CHMP4C: variants seen among roughly 807,000 people sequenced by gnomAD.
The protein encoded by CHMP4C is SNF7 homolog associated with Alix 3.
A neutral mutation model predicts 29.0 loss-of-function variants in CHMP4C; 28 were observed. The observed-to-expected ratio is 0.97, with a 90% CI of 0.72 to 1.32. The LOEUF is 1.32. CHMP4C is among the 40% of genes most tolerant of loss of function. CHMP4C has a pLI of 0.00. For missense variants in CHMP4C, 291 were observed against 281.0 expected, an observed-to-expected ratio of 1.04 and a Z score of -0.25; for synonymous variants, 106 against 102.4, an observed-to-expected ratio of 1.04 and a Z score of -0.21.
intron 1 of CHMP4C, 69 bp from the exon 2 acceptor site, chr8:81,752,995 C>T: frequency 5.9e-6 from 8 of 1,366,036 alleles, no homozygotes; most frequent in South Asian, 1.5e-5. Context: ...CATAGTGGTG[C>T]TGAGCAAACA....
chr8:81,733,474 C>T (rs1490123964), intron 1 of CHMP4C, among the ~76,000 whole-genome samples: 1 of 151,894 alleles, frequency 6.6e-6, no homozygotes, highest in Non-Finnish European at 1.5e-5. Context: ...TGTGGTCTAC[C>T]TTGCTCCTCA....
intron 1 of CHMP4C, among the ~76,000 whole-genome samples, chr8:81,742,419 A>T (rs1338439497): frequency 6.6e-6 from 1 of 152,236 alleles, no homozygotes; most frequent in Admixed American, 6.5e-5. Flanking sequence ...TTAAAATTCA[A>T]TGTCAGCTAT....
At chr8:81,752,604 A>G (rs1425488677) in intron 1 of CHMP4C, among the ~76,000 whole-genome samples, 1 of 152,128 alleles carries the variant, frequency 6.6e-6, no homozygotes, top group Non-Finnish European at 1.5e-5. Context: ...AGCTACCACT[A>G]ACTGTCTGCC....
chr8:81,733,297 T>A (rs1020992910), intron 1 of CHMP4C, among the ~76,000 whole-genome samples: 1 of 152,238 alleles, frequency 6.6e-6, no homozygotes, highest in Non-Finnish European at 1.5e-5. Context: ...TTGTCTTGAT[T>A]ACTGAGTGTT....
chr8:81,751,162 A>G (rs1808898499), intron 1 of CHMP4C, among the ~76,000 whole-genome samples: 1 of 152,186 alleles, frequency 6.6e-6, no homozygotes. Flanking sequence ...ATATCAATGC[A>G]CCTTTTCTGG....
chr8:81,756,322 A>G (rs942355938), intron 3 of CHMP4C, among the ~76,000 whole-genome samples: 10 of 152,198 alleles, frequency 6.6e-5, no homozygotes, highest in Non-Finnish European at 1.2e-4. Flanking sequence ...GTAGAAAACA[A>G]TAACAACAAA....
intron 1 of CHMP4C, among the ~76,000 whole-genome samples, chr8:81,733,792 G>A (rs1440165284): frequency 1.3e-5 from 2 of 152,192 alleles, no homozygotes; most frequent in African/African-American, 4.8e-5. Context: ...ACCCAGAAAA[G>A]GAAGTGGCAA....
In CHMP4C at chr8:81,753,111, A is replaced by C; in HGVS notation, c.238A>C (p.Thr80Pro). The C allele has an allele frequency of 3.1e-6, 5 of 1,612,742 alleles. No homozygotes were observed. The highest frequency in any genetic ancestry group is 4.2e-6 in the Non-Finnish European group (5 of 1,179,194). ...KRKKRFEKQLTQIDGTLSTIE... is the reference protein window; with the variant it reads ...KRKKRFEKQLPQIDGTLSTIE... Reference sequence around the variant, plus strand: ...AAAGAAGAGGTTCGAGAAACAGCTCACTCAGATTGATGGCACACTTTCTAC... The same window carrying C: ...AAAGAAGAGGTTCGAGAAACAGCTCCCTCAGATTGATGGCACACTTTCTAC... Residue 80 changes from threonine to proline, a missense_variant, in exon 2 of 5, where the codon ACT becomes CCT. Physicochemically the swap from Thr to Pro is conservative, Grantham distance 38. Coordinates refer to ENST00000297265, the MANE Select transcript of CHMP4C (RefSeq NM_152284.4).
chr8:81,754,025 G>A (rs1290359980), intron 2 of CHMP4C, among the ~76,000 whole-genome samples: 1 of 152,194 alleles, frequency 6.6e-6, no homozygotes, highest in East Asian at 1.9e-4. Flanking sequence ...TGGAACCTGG[G>A]GCAAGGATGC....
At chr8:81,741,572 T>TA (rs1808762653) in intron 1 of CHMP4C, among the ~76,000 whole-genome samples, 1 of 151,750 alleles carries the variant, frequency 6.6e-6, no homozygotes, top group African/African-American at 2.4e-5. Flanking sequence ...AATACTCAGT[T>TA]AAAAAAATTA....
intron 2 of CHMP4C, among the ~76,000 whole-genome samples, chr8:81,755,162 G>T (rs944028700): frequency 1.3e-5 from 2 of 151,832 alleles, no homozygotes; most frequent in African/African-American, 2.4e-5. Flanking sequence ...AATGTAATAG[G>T]TATTTACTTA....
Position 81,758,252 on chromosome 8 carries a change from T to C in CHMP4C, c.594T>C (p.Asn198=), listed in dbSNP as rs151229119. 1 of 1,614,002 alleles carries C rather than the reference T, an allele frequency of 6.2e-7. No homozygotes were observed. Among genetic ancestry groups the C allele is most frequent in the Non-Finnish European group, 8.5e-7 (1 of 1,179,946 alleles). ...VPSSSLPAQP[N]RKPGMSSTAR... The stretch of plus-strand genomic sequence containing the variant: ...CCTCTTCTCTCCCAGCACAGCCAAA[T>C]AGAAAACCAGGCATGTCGTCCACTG... Residue 198 remains asparagine, a synonymous_variant, in exon 4 of 5, where the codon AAT becomes AAC. Coordinates refer to ENST00000297265, the MANE Select transcript of CHMP4C (RefSeq NM_152284.4).
rs1563616698 is a variant in CHMP4C at position 81,732,830 on chromosome 8, T to TGGCCCACAGGCGGGAGCCC, written c.190+15_190+33dup. 1 of 1,608,114 alleles carries TGGCCCACAGGCGGGAGCCC rather than the reference T, an allele frequency of 6.2e-7. No individual in the cohort carries two copies. ...AGAATAAGCGAGGTAGGCTGGGGTC[T>TGGCCCACAGGCGGGAGCCC]GGCCCACAGGCGGGAGCCCATCTGC... is the stretch of plus-strand genomic sequence containing the variant. On this transcript the variant is annotated intron_variant, in intron 1 of 4. Coordinates refer to ENST00000297265, the MANE Select transcript of CHMP4C (RefSeq NM_152284.4).
At chr8:81,748,830 G>A (rs1808861977) in intron 1 of CHMP4C, among the ~76,000 whole-genome samples, 1 of 151,734 alleles carries the variant, frequency 6.6e-6, no homozygotes, top group Admixed American at 6.6e-5. Context: ...GGGAGGCTGA[G>A]GCAGGAGAAT....
chr8:81,758,061 C>A, intron 3 of CHMP4C, 81 bp from the exon 4 acceptor site: 1 of 1,275,302 alleles, frequency 7.8e-7, no homozygotes, highest in Non-Finnish European at 1.1e-6. Context: ...AATTGGGTAG[C>A]AGATGTTCTT....
intron 1 of CHMP4C, among the ~76,000 whole-genome samples, chr8:81,741,593 C>A (rs117185974): frequency 0.013 from 1,942 of 151,818 alleles, 23 homozygotes; most frequent in Middle Eastern, 0.024. Flanking sequence ...TAAGGTTTGG[C>A]TTTGGGGGTC....
At chr8:81,732,850 A>G (rs748631907) in intron 1 of CHMP4C, 34 bp downstream of exon 1, 20 of 1,585,496 alleles carry the variant, frequency 1.3e-5, no homozygotes, top group Non-Finnish European at 1.7e-5. Context: ...GCGGGAGCCC[A>G]TCTGCCTCTA....
intron 1 of CHMP4C, among the ~76,000 whole-genome samples, chr8:81,742,326 A>C (rs1474078231): frequency 6.6e-6 from 1 of 152,258 alleles, no homozygotes. Context: ...TGGTAATTTT[A>C]AAATTACAGG....
At position 81,758,730 on chromosome 8, in the gene CHMP4C, C is replaced by A. The variant is rs1011928159; in HGVS notation, c.*186C>A. 2 of 573,070 alleles carry A rather than the reference C, an allele frequency of 3.5e-6. No individual in the cohort carries two copies. The highest frequency in any genetic ancestry group is 3.8e-5 in the African/African-American group (2 of 53,124). The allele number at this position is 573,070 out of a possible 1,614,324, so 35.5% of individuals were successfully genotyped here. On this transcript the variant is annotated 3_prime_UTR_variant, in exon 5 of 5. Coordinates refer to ENST00000297265, the MANE Select transcript of CHMP4C (RefSeq NM_152284.4). ...GCATACATAGAATCAGTGATGGAGG[C>A]CAGGCACGGTATCTCATGCCTATAA...
Sources: allele counts gnomAD v4.1 joint callset (sites outside exome capture counted in the v4.1 genomes callset), GRCh38; gene constraint gnomAD v4.1.1; transcripts MANE v1.5; gene names NCBI Gene and HGNC (gene_info 2026-07-23, HGNC 2026-07-21).